CNTNAP2: variants seen among roughly 807,000 people sequenced by gnomAD.
CNTNAP2 encodes the protein contactin-associated protein-like 2.
A neutral mutation model predicts 155.2 loss-of-function variants in CNTNAP2; 98 were observed. The observed-to-expected ratio is 0.63, with a 90% CI of 0.54 to 0.75. The LOEUF (loss-of-function observed/expected upper bound fraction) is 0.75, where lower values mean the gene tolerates loss of function less well. Ranked by LOEUF, CNTNAP2 falls within the 30% of genes least tolerant of loss-of-function variation. CNTNAP2 has a pLI of 0.00. For missense variants in CNTNAP2, 1,727 were observed against 1,688.1 expected (o/e 1.02, Z -0.40); for synonymous variants, 651 against 631.2 (o/e 1.03, Z -0.47).
chr7:146,978,096 A>G (rs1797947757), intron 3 of CNTNAP2, among the ~76,000 whole-genome samples: 6 of 152,320 alleles, frequency 3.9e-5, no homozygotes, highest in Middle Eastern at 3.4e-3. Context: ...AGCTGTGGAT[A>G]GGAGCCCTTT....
chr7:148,394,386 C>A (rs1242031267), intron 22 of CNTNAP2, among the ~76,000 whole-genome samples: 1 of 152,148 alleles, frequency 6.6e-6, no homozygotes, highest in East Asian at 1.9e-4. Context: ...TGGGAGCAAA[C>A]TGCAGTACTT....
chr7:147,932,117 C>A (rs954248400), intron 14 of CNTNAP2, among the ~76,000 whole-genome samples: 7 of 152,212 alleles, frequency 4.6e-5, no homozygotes, highest in African/African-American at 1.4e-4. Flanking sequence ...AACTCCTGGG[C>A]TCAAGTGATC....
At chr7:146,243,373 T>A (rs1799593999) in intron 1 of CNTNAP2, among the ~76,000 whole-genome samples, 1 of 152,096 alleles carries the variant, frequency 6.6e-6, no homozygotes, top group Non-Finnish European at 1.5e-5. Context: ...GATTGGTCTG[T>A]CTATTCGTAG....
intron 8 of CNTNAP2, among the ~76,000 whole-genome samples, chr7:147,298,237 T>C (rs973343845): frequency 2.6e-5 from 4 of 152,056 alleles, no homozygotes; most frequent in African/African-American, 9.7e-5. Context: ...AGGACCAGCC[T>C]GACATGGTGA....
chr7:148,277,977 C>T (rs374003626), intron 21 of CNTNAP2, among the ~76,000 whole-genome samples: 4 of 152,294 alleles, frequency 2.6e-5, no homozygotes, highest in South Asian at 4.1e-4. Flanking sequence ...AGGGAGTTAG[C>T]ATGGGCATGT....
At chr7:146,522,958 G>A (rs1389028268) in intron 1 of CNTNAP2, among the ~76,000 whole-genome samples, 1 of 151,496 alleles carries the variant, frequency 6.6e-6, no homozygotes. Flanking sequence ...ATAATAGAAT[G>A]ATATCTATTA....
intron 8 of CNTNAP2, among the ~76,000 whole-genome samples, chr7:147,228,888 T>G (rs186650779): frequency 6.7e-6 from 1 of 149,802 alleles, no homozygotes; most frequent in East Asian, 2.0e-4. Context: ...CTCCCACTTA[T>G]GAGTGAAAAC....
At chr7:147,354,480 G>A in intron 9 of CNTNAP2, among the ~76,000 whole-genome samples, 1 of 152,060 alleles carries the variant, frequency 6.6e-6, no homozygotes. Context: ...CCTCTGTTCT[G>A]TTCTATTGGT....
At chr7:147,974,366 T>C (rs765580177) in intron 14 of CNTNAP2, among the ~76,000 whole-genome samples, 2 of 152,138 alleles carry the variant, frequency 1.3e-5, no homozygotes, top group Non-Finnish European at 2.9e-5. Context: ...TCCCAGCACT[T>C]TGGGAGGCTG....
At position 147,116,803 on chromosome 7, in the gene CNTNAP2, A is replaced by G. The variant is rs115422606; in HGVS notation, c.755-4176A>G. 7.8e-3 allele frequency among the ~76,000 whole-genome samples: 1,192 copies of G among 152,180 alleles called. 16 individuals are homozygous for G. The highest frequency in any genetic ancestry group is 0.027 in the African/African-American group (1,111 of 41,532). On this transcript the variant is annotated intron_variant, in intron 5 of 23. Transcript: ENST00000361727. ...CAGCTGGGAGGTCCCACCCAGTAGG[A>G]AGAATGGATCAGGGCTCTGCTTAAA... is the stretch of plus-strand genomic sequence containing the variant.
At chr7:147,256,985 TAATAGGTATTAGGAGAAAA>T (rs71903670) in intron 8 of CNTNAP2, among the ~76,000 whole-genome samples, 26,867 of 151,896 alleles carry the variant, frequency 0.18, 3,638 homozygotes, top group East Asian at 0.71. Context: ...AAAGGAATAA[TAATAGGTATTAGGAGAAAA>T]AAGAAACACG....
At chr7:147,000,622 G>A (rs539901598) in intron 3 of CNTNAP2, among the ~76,000 whole-genome samples, 2 of 152,236 alleles carry the variant, frequency 1.3e-5, no homozygotes, top group African/African-American at 4.8e-5. Context: ...GTACTAGGGG[G>A]TGCCCTATAT....
At chr7:146,940,807 A>G (rs867574115) in intron 3 of CNTNAP2, among the ~76,000 whole-genome samples, 2 of 148,052 alleles carry the variant, frequency 1.4e-5, no homozygotes, top group Admixed American at 6.7e-5. Context: ...TGTTATATAT[A>G]TGTGTGTGTG....
At chr7:146,315,558 A>G (rs1800892617) in intron 1 of CNTNAP2, among the ~76,000 whole-genome samples, 1 of 152,062 alleles carries the variant, frequency 6.6e-6, no homozygotes, top group Non-Finnish European at 1.5e-5. Context: ...GAACTGATCC[A>G]CTCATGGCTA....
chr7:148,025,260 A>G (rs1802355735), intron 15 of CNTNAP2, among the ~76,000 whole-genome samples: 1 of 152,188 alleles, frequency 6.6e-6, no homozygotes. Context: ...AGACTTTTGC[A>G]TTTGGTTTGA....
rs542914586 is a variant in CNTNAP2, at chr7:148,134,160, A to C, written c.2555-13331A>C. Among the ~76,000 whole-genome samples the C allele has an allele frequency of 3.1e-4, 47 of 152,340 alleles. 1 individual carries two copies. The highest frequency in any genetic ancestry group is 1.1e-3 in the African/African-American group (44 of 41,592). ...TGCTTGCCTTTGCGGATGGTGTTAAAATGATCAAATTTGGTTTTCTGCATC... is the reference window on the plus strand; with the variant it reads ...TGCTTGCCTTTGCGGATGGTGTTAACATGATCAAATTTGGTTTTCTGCATC... On this transcript the variant is annotated intron_variant, in intron 16 of 23. Transcript: ENST00000361727.
intron 1 of CNTNAP2, among the ~76,000 whole-genome samples, chr7:146,390,634 A>AATATATATATTTTTTCATGAAATAAAT: frequency 6.8e-6 from 1 of 147,326 alleles, no homozygotes; most frequent in Non-Finnish European, 1.5e-5. Flanking sequence ...ATGAAATAAA[A>AATATATATATTTTTTCATGAAATAAAT]ATATATATAT....
At chr7:146,442,380 T>G (rs1796332077) in intron 1 of CNTNAP2, among the ~76,000 whole-genome samples, 1 of 147,058 alleles carries the variant, frequency 6.8e-6, no homozygotes, top group Non-Finnish European at 1.5e-5. Flanking sequence ...GTGTTAGTGG[T>G]GAGATAGGTA....
intron 1 of CNTNAP2, among the ~76,000 whole-genome samples, chr7:146,158,511 T>C (rs1177491412): frequency 6.6e-6 from 1 of 152,140 alleles, no homozygotes; most frequent in African/African-American, 2.4e-5. Flanking sequence ...ATTAAACGAA[T>C]GGCTAACTAG....
Sources: gnomAD v4.1 joint callset for allele counts (sites outside exome capture counted in the v4.1 genomes callset) on GRCh38, gnomAD v4.1.1 for gene constraint, MANE v1.5 for transcripts, NCBI Gene and HGNC (gene_info 2026-07-23, HGNC 2026-07-21) for gene names.